Variants in TBC1D22A observed in about 807,000 individuals in gnomAD.
TBC1D22A encodes the protein putative GTPase activator.
A neutral mutation model predicts 60.2 loss-of-function variants in TBC1D22A; 38 were observed. The observed-to-expected ratio is 0.63, with a 90% CI of 0.49 to 0.83. The LOEUF is 0.83. Ranked by LOEUF, TBC1D22A falls within the 40% of genes least tolerant of loss-of-function variation. The probability of loss-of-function intolerance (pLI) is 0.00; values close to 1 mark genes in which losing one functional copy is unlikely to be tolerated. For missense variants in TBC1D22A, 628 were observed against 701.0 expected (o/e 0.90, Z 1.18); for synonymous variants, 302 against 281.7 (o/e 1.07, Z -0.72).
chr22:46,881,930 C>T (rs1480015994), intron 5 of TBC1D22A, among the ~76,000 whole-genome samples: 1 of 152,178 alleles, frequency 6.6e-6, no homozygotes, highest in Non-Finnish European at 1.5e-5. Context: ...GTGCACAATG[C>T]GAGTCACCCA....
chr22:46,988,359 A>C (rs973241015), intron 9 of TBC1D22A, among the ~76,000 whole-genome samples: 2 of 152,260 alleles, frequency 1.3e-5, no homozygotes, highest in African/African-American at 2.4e-5. Flanking sequence ...CTAGAAAAGC[A>C]GGTCCTTTCC....
intron 9 of TBC1D22A, among the ~76,000 whole-genome samples, chr22:46,996,028 CA>C (rs895178515): frequency 6.6e-6 from 1 of 152,244 alleles, no homozygotes; most frequent in African/African-American, 2.4e-5. Context: ...GCCCCGCTGC[CA>C]CGCAAAGCAG....
chr22:47,047,352 C>G (rs1207042795), intron 11 of TBC1D22A, among the ~76,000 whole-genome samples: 2 of 152,232 alleles, frequency 1.3e-5, no homozygotes, highest in South Asian at 4.1e-4. Flanking sequence ...TGAATTGTAT[C>G]TTTGTGGCCG....
At chr22:47,160,189 G>GTGC (rs1328006661) in intron 12 of TBC1D22A, among the ~76,000 whole-genome samples, 23 of 152,220 alleles carry the variant, frequency 1.5e-4, no homozygotes, top group Non-Finnish European at 2.2e-4. Context: ...CAGACACTCA[G>GTGC]TGCTGGGAAT....
chr22:46,953,373 T>G (rs1157516252), intron 8 of TBC1D22A, among the ~76,000 whole-genome samples: 1 of 152,176 alleles, frequency 6.6e-6, no homozygotes, highest in Non-Finnish European at 1.5e-5. Context: ...CTTTTATTGG[T>G]GGATTGTATT....
chr22:47,078,069 A>G (rs1398856332), intron 11 of TBC1D22A, among the ~76,000 whole-genome samples: 1 of 152,236 alleles, frequency 6.6e-6, no homozygotes, highest in African/African-American at 2.4e-5. Context: ...CTGTTACAGC[A>G]GTGTTCTGGA....
intron 5 of TBC1D22A, among the ~76,000 whole-genome samples, chr22:46,879,064 T>G (rs1219802861): frequency 6.6e-6 from 1 of 152,118 alleles, no homozygotes; most frequent in Non-Finnish European, 1.5e-5. Flanking sequence ...CAGGGAAATA[T>G]GTTTTAAATT....
intron 8 of TBC1D22A, among the ~76,000 whole-genome samples, chr22:46,916,662 T>A (rs914160485): frequency 6.6e-6 from 1 of 152,226 alleles, no homozygotes; most frequent in Non-Finnish European, 1.5e-5. Context: ...CAACCTTTGT[T>A]TGAGTGGCAC....
chr22:47,162,456 C>T (rs1308819655), intron 12 of TBC1D22A, among the ~76,000 whole-genome samples: 9 of 152,182 alleles, frequency 5.9e-5, no homozygotes, highest in African/African-American at 9.7e-5. Context: ...TACCCTTGAC[C>T]GAGCCTCCTG....
At chr22:46,801,824 T>C (rs1217524184) in intron 4 of TBC1D22A, among the ~76,000 whole-genome samples, 2 of 152,232 alleles carry the variant, frequency 1.3e-5, no homozygotes, top group Admixed American at 1.3e-4. Context: ...CCATCCAGTC[T>C]AGGCTTTATG....
At chr22:47,116,821 G>A (rs2066077097) in intron 12 of TBC1D22A, 1 of 152,502 alleles carries the variant, frequency 6.6e-6, no homozygotes, top group Non-Finnish European at 1.5e-5. Flanking sequence ...TAGGTTGAGG[G>A]GCTCAGTCTG....
rs147050554 is a variant in TBC1D22A at position 46,911,787 on chromosome 22, C to T, written c.901-287C>T. ...TACAAAAATTAGCCAGGCATGGTAG[C>T]GCATGCCTGTAGTCCCAGCTACTTG... On this transcript the variant is annotated intron_variant, in intron 7 of 12. Transcript: ENST00000337137. 7.8e-3 allele frequency among the ~76,000 whole-genome samples: 1,183 copies of T among 151,892 alleles called. 13 individuals carry two copies. Among genetic ancestry groups the T allele is most frequent in the African/African-American group, 0.026 (1,078 of 41,384 alleles).
chr22:46,841,047 G>GGTGGGTGT (rs1555909299), intron 4 of TBC1D22A, among the ~76,000 whole-genome samples: 4 of 147,542 alleles, frequency 2.7e-5, no homozygotes, highest in African/African-American at 1.0e-4. Flanking sequence ...AATGAAAATG[G>GGTGGGTGT]GTGTGTGTGT....
intron 5 of TBC1D22A, among the ~76,000 whole-genome samples, chr22:46,879,060 AATATGTTTT>A: frequency 6.6e-6 from 1 of 152,292 alleles, no homozygotes; most frequent in Non-Finnish European, 1.5e-5. Context: ...GAAACAGGGA[AATATGTTTT>A]AAATTTGTTT....
chr22:47,138,792 T>C (rs1195566818), intron 12 of TBC1D22A, among the ~76,000 whole-genome samples: 1 of 152,072 alleles, frequency 6.6e-6, no homozygotes, highest in African/African-American at 2.4e-5. Flanking sequence ...GAGGGCCCGC[T>C]CCTGGTTCAT....
chr22:46,876,527 G>A (rs57689440), intron 4 of TBC1D22A, among the ~76,000 whole-genome samples: 168 of 152,268 alleles, frequency 1.1e-3, no homozygotes, highest in African/African-American at 3.8e-3. Context: ...CTCTGTTGGC[G>A]TCATTCCTCA....
intron 4 of TBC1D22A, among the ~76,000 whole-genome samples, chr22:46,847,450 C>T (rs558945138): frequency 6.6e-6 from 1 of 152,322 alleles, no homozygotes; most frequent in African/African-American, 2.4e-5. Context: ...TGTCATTTTC[C>T]TCACTTCTGT....
At chr22:47,007,520 T>G (rs908768464) in intron 10 of TBC1D22A, among the ~76,000 whole-genome samples, 1 of 152,240 alleles carries the variant, frequency 6.6e-6, no homozygotes, top group Non-Finnish European at 1.5e-5. Flanking sequence ...TACCACAGGC[T>G]GGTGGCTTAA....
chr22:46,944,491 C>A, intron 8 of TBC1D22A, among the ~76,000 whole-genome samples: 1 of 152,196 alleles, frequency 6.6e-6, no homozygotes, highest in East Asian at 1.9e-4. Context: ...CTCCGCCTCC[C>A]AGGTTCACGC....
Sources: gnomAD v4.1 joint callset for allele counts (sites outside exome capture counted in the v4.1 genomes callset) on GRCh38, gnomAD v4.1.1 for gene constraint, MANE v1.5 for transcripts, NCBI Gene and HGNC (gene_info 2026-07-23, HGNC 2026-07-21) for gene names.